Variants in PRKD1 observed in about 807,000 individuals in gnomAD.
PRKD1 encodes the protein protein kinase D1, also known as serine/threonine-protein kinase D1.
Under a neutral mutation model 95.9 loss-of-function variants are expected in PRKD1, and 63 were observed. The ratio of observed to expected loss-of-function variants is 0.66; its 90% CI spans 0.54 to 0.81. PRKD1 has a LOEUF of 0.81. Ranked by LOEUF, PRKD1 falls within the 30% of genes least tolerant of loss-of-function variation. The pLI is 0.00. For missense variants in PRKD1, 1,048 were observed against 1,165.3 expected (o/e 0.90, Z 1.47); for synonymous variants, 425 against 423.1 (o/e 1.00, Z -0.05).
chr14:29,717,403 A>G (rs1885664012), intron 2 of PRKD1, among the ~76,000 whole-genome samples: 1 of 152,138 alleles, frequency 6.6e-6, no homozygotes, highest in African/African-American at 2.4e-5. Flanking sequence ...ATGTTATTTT[A>G]CAGCAGATGG....
chr14:29,837,098 A>T (rs1891638265), intron 1 of PRKD1, among the ~76,000 whole-genome samples: 1 of 152,116 alleles, frequency 6.6e-6, no homozygotes, highest in Non-Finnish European at 1.5e-5. Flanking sequence ...GGCCCTAAAA[A>T]CTGTAAAAGG....
chr14:29,816,186 C>T (rs1218997628), intron 1 of PRKD1, among the ~76,000 whole-genome samples: 1 of 152,164 alleles, frequency 6.6e-6, no homozygotes, highest in Non-Finnish European at 1.5e-5. Flanking sequence ...CCACTGCAAT[C>T]CAGCCTGGGC....
At chr14:29,593,465 G>A (rs1287256069) in intron 16 of PRKD1, among the ~76,000 whole-genome samples, 1 of 152,168 alleles carries the variant, frequency 6.6e-6, no homozygotes, top group Non-Finnish European at 1.5e-5. Context: ...GTCAGAGCCA[G>A]GCTCCTGGGG....
chr14:29,859,198 G>A lies in PRKD1; in HGVS notation c.264+68051C>T, dbSNP rs181459549. Reference sequence around the variant, plus strand: ...TTAAAAATCTGACAGTAAGCTGGGCGCCGTGGCTTATGCCTGTAATCCCAG... The same window carrying A: ...TTAAAAATCTGACAGTAAGCTGGGCACCGTGGCTTATGCCTGTAATCCCAG... On this transcript the variant is annotated intron_variant, in intron 1 of 17. Coordinates refer to ENST00000331968, the MANE Select transcript of PRKD1 (RefSeq NM_002742.3). Among the ~76,000 whole-genome samples the A allele has an allele frequency of 8.4e-4, 128 of 152,296 alleles. 1 individual carries two copies. The highest frequency in any genetic ancestry group is 3.4e-3 in the Middle Eastern group (1 of 294).
At position 29,609,716 on chromosome 14, in the gene PRKD1, T is replaced by TA. The variant is rs1555327791; in HGVS notation, c.1906-9900_1906-9899insT. Among the ~76,000 whole-genome samples, 422 of 141,486 alleles carry TA rather than the reference T, an allele frequency of 3.0e-3. 1 individual carries two copies. Among genetic ancestry groups the TA allele is most frequent in the African/African-American group, 9.2e-3 (347 of 37,532 alleles). The allele number at this position is 141,486 out of a possible 152,430, so 92.8% of individuals were successfully genotyped here. On this transcript the variant is annotated intron_variant, in intron 13 of 17. Coordinates refer to ENST00000331968, the MANE Select transcript of PRKD1 (RefSeq NM_002742.3). ...CCACCACGCCCAGCTATTTCTTTATTTTTTTTTTTTTTTTGTACTTTTAGT... is the reference window on the plus strand; with the variant it reads ...CCACCACGCCCAGCTATTTCTTTATTATTTTTTTTTTTTTTGTACTTTTAGT...
At chr14:29,877,892 A>G (rs990866492) in intron 1 of PRKD1, among the ~76,000 whole-genome samples, 3 of 152,098 alleles carry the variant, frequency 2.0e-5, no homozygotes, top group Non-Finnish European at 4.4e-5. Flanking sequence ...ATGACAGGGA[A>G]TCAACCTAAA....
intron 1 of PRKD1, among the ~76,000 whole-genome samples, chr14:29,903,067 A>G (rs1894374659): frequency 6.6e-6 from 1 of 152,194 alleles, no homozygotes; most frequent in Admixed American, 6.5e-5. Context: ...AGATGGAAAA[A>G]CGTTAATAAC....
At chr14:29,757,699 T>C (rs1887773582) in intron 1 of PRKD1, among the ~76,000 whole-genome samples, 1 of 151,876 alleles carries the variant, frequency 6.6e-6, no homozygotes. Context: ...AAACCAATTA[T>C]TAAAAACCAA....
intron 17 of PRKD1, among the ~76,000 whole-genome samples, chr14:29,577,797 G>A (rs1172762819): frequency 6.6e-6 from 1 of 152,060 alleles, no homozygotes; most frequent in Non-Finnish European, 1.5e-5. Context: ...GTTTAAATTC[G>A]ATGTGAAAAT....
At chr14:29,727,304 C>T (rs1011891266) in intron 1 of PRKD1, among the ~76,000 whole-genome samples, 5 of 152,058 alleles carry the variant, frequency 3.3e-5, no homozygotes, top group African/African-American at 1.2e-4. Flanking sequence ...AGCCCTTTGT[C>T]AGATGAGTAG....
At chr14:29,705,956 G>A (rs1305140791) in intron 2 of PRKD1, among the ~76,000 whole-genome samples, 1 of 152,066 alleles carries the variant, frequency 6.6e-6, no homozygotes, top group Non-Finnish European at 1.5e-5. Context: ...ATGAACATAT[G>A]TTTTCAATTC....
intron 13 of PRKD1, among the ~76,000 whole-genome samples, 166 bp from the exon 14 acceptor site, chr14:29,599,983 C>T (rs1340374256): frequency 1.3e-5 from 2 of 152,134 alleles, no homozygotes; most frequent in Non-Finnish European, 2.9e-5. Context: ...TTTTGAAATT[C>T]TAATGTCTCC....
intron 1 of PRKD1, among the ~76,000 whole-genome samples, chr14:29,786,056 A>G (rs1362089189): frequency 6.6e-6 from 1 of 152,056 alleles, no homozygotes; most frequent in East Asian, 1.9e-4. Flanking sequence ...ACATGAAGGG[A>G]TGTGAAACTT....
At chr14:29,609,893 C>A (rs982454405) in intron 13 of PRKD1, among the ~76,000 whole-genome samples, 2 of 151,924 alleles carry the variant, frequency 1.3e-5, no homozygotes, top group East Asian at 3.9e-4. Context: ...TATCCACACA[C>A]CTCGCAGTCA....
At chr14:29,633,516 T>C (rs1880166372) in intron 8 of PRKD1, among the ~76,000 whole-genome samples, 1 of 152,152 alleles carries the variant, frequency 6.6e-6, no homozygotes, top group African/African-American at 2.4e-5. Flanking sequence ...CTCTACCTTC[T>C]CTCCAGCTCA....
intron 1 of PRKD1, among the ~76,000 whole-genome samples, chr14:29,878,165 A>T (rs1438944032): frequency 6.6e-6 from 1 of 152,144 alleles, no homozygotes; most frequent in Non-Finnish European, 1.5e-5. Flanking sequence ...GAGGGTGGAC[A>T]GAGGGAGAGG....
At chr14:29,886,904 G>A (rs1566655325) in intron 1 of PRKD1, among the ~76,000 whole-genome samples, 1 of 152,168 alleles carries the variant, frequency 6.6e-6, no homozygotes, top group Non-Finnish European at 1.5e-5. Flanking sequence ...AACATGAATT[G>A]TAATTGTTCT....
chr14:29,815,322 CAG>C (rs1566616228), intron 1 of PRKD1, among the ~76,000 whole-genome samples: 1 of 152,038 alleles, frequency 6.6e-6, no homozygotes, highest in Admixed American at 6.5e-5. Flanking sequence ...ATGAATACTG[CAG>C]AGTCTCATGA....
intron 1 of PRKD1, among the ~76,000 whole-genome samples, chr14:29,903,749 T>C (rs935599336): frequency 6.6e-6 from 1 of 152,196 alleles, no homozygotes; most frequent in Non-Finnish European, 1.5e-5. Flanking sequence ...AAAAAGCCTG[T>C]CTATATTTAG....
Sources: allele counts gnomAD v4.1 joint callset (sites outside exome capture counted in the v4.1 genomes callset), GRCh38; gene constraint gnomAD v4.1.1; transcripts MANE v1.5; gene names NCBI Gene and HGNC (gene_info 2026-07-23, HGNC 2026-07-21).